Variants in ARMH4 observed in about 807,000 individuals in gnomAD.
The protein encoded by ARMH4 is armadillo like helical domain containing 4.
Under a neutral mutation model 61.9 loss-of-function variants are expected in ARMH4, and 49 were observed. The ratio of observed to expected loss-of-function variants is 0.79; its 90% CI spans 0.63 to 1.00. ARMH4 has a LOEUF of 1.00. ARMH4 is among the 50% of genes least tolerant of loss of function. The pLI, the probability that ARMH4 is intolerant of heterozygous loss-of-function variation, is 0.00. For missense variants in ARMH4, 934 were observed against 930.0 expected, an observed-to-expected ratio of 1.00 and a Z score of -0.06; for synonymous variants, 368 against 341.5, an observed-to-expected ratio of 1.08 and a Z score of -0.85.
intron 5 of ARMH4, among the ~76,000 whole-genome samples, chr14:58,031,295 G>T (rs1883220909): frequency 1.3e-5 from 2 of 152,114 alleles, no homozygotes; most frequent in Admixed American, 6.5e-5. Context: ...TTTATGAGTT[G>T]CCTATATGGC....
chr14:58,073,830 C>T (rs1199344695), intron 5 of ARMH4, among the ~76,000 whole-genome samples: 1 of 152,158 alleles, frequency 6.6e-6, no homozygotes, highest in Non-Finnish European at 1.5e-5. Flanking sequence ...TATCCTGAGC[C>T]TCAGTGTCCT....
rs368186035 is a variant in ARMH4, at chr14:58,081,322, C to G, written c.2089+15402G>C. 4.1e-4 allele frequency among the ~76,000 whole-genome samples: 63 copies of G among 152,046 alleles called. No homozygotes were observed. In the South Asian group the frequency reaches 0.01, roughly 25 times the overall value. On this transcript the variant is annotated intron_variant, in intron 5 of 7. Transcript: ENST00000267485. ...AGAACGCACCTTGTATCAGGATCCC[C>G]AGGGGGATCTGTGTGCACATTAATG...
Position 58,045,337 on chromosome 14 carries a change from T to C in ARMH4, c.2090-33187A>G, listed in dbSNP as rs1883895659. On this transcript the variant is annotated intron_variant, in intron 5 of 7. Coordinates refer to ENST00000267485, the MANE Select transcript of ARMH4 (RefSeq NM_001001872.4). ...GGGACATGGATGAAGCTGGAAACCA[T>C]CATTCTCAGCCAACTATCGCAAGGA... Among the ~76,000 whole-genome samples, 6 of 152,220 alleles carry C rather than the reference T, an allele frequency of 3.9e-5. 1 individual carries two copies. In the South Asian group the frequency reaches 1.0e-3, roughly 26 times the overall value.
At chr14:58,121,843 T>A (rs1342333246) in intron 4 of ARMH4, among the ~76,000 whole-genome samples, 1 of 152,232 alleles carries the variant, frequency 6.6e-6, no homozygotes, top group African/African-American at 2.4e-5. Context: ...CATCCTTCCC[T>A]AACACATTTG....
At chr14:58,126,696 G>C (rs957626034) in intron 4 of ARMH4, among the ~76,000 whole-genome samples, 2 of 151,110 alleles carry the variant, frequency 1.3e-5, no homozygotes, top group African/African-American at 4.9e-5. Flanking sequence ...TCTTAGAAAA[G>C]CAAAAACTGT....
Position 58,139,043 on chromosome 14 carries a change from T to C in ARMH4, c.316A>G (p.Thr106Ala). The C allele has an allele frequency of 6.2e-7, 1 of 1,614,230 alleles. No individual in the cohort carries two copies. Among genetic ancestry groups the C allele is most frequent in the Admixed American group, 1.7e-5 (1 of 60,020 alleles). The stretch of plus-strand genomic sequence containing the variant: ...GGTGTGGAAACACCAGGGCGTTCTG[T>C]TTGCATGAGCCCAGCTTGTCCAGGC... ...TQPGQAGLMQ[T>A]ERPGVSTPTE... The change falls in exon 2 of 8, where the codon ACA becomes GCA. Residue 106 changes from threonine to alanine, a missense_variant. Transcript: ENST00000267485.
At chr14:58,134,956 CAA>C (rs199939980) in intron 2 of ARMH4, among the ~76,000 whole-genome samples, 18 of 73,836 alleles carry the variant, frequency 2.4e-4, no homozygotes, top group East Asian at 4.9e-4. Context: ...GACTCTGTCT[CAA>C]AAAAAAAAAA....
intron 5 of ARMH4, among the ~76,000 whole-genome samples, chr14:58,020,675 G>T (rs962465838): frequency 6.6e-6 from 1 of 152,076 alleles, no homozygotes; most frequent in African/African-American, 2.4e-5. Context: ...TTCCATGTTC[G>T]CCAAGGACTT....
intron 4 of ARMH4, among the ~76,000 whole-genome samples, chr14:58,113,595 T>C (rs1012432147): frequency 1.2e-4 from 19 of 152,010 alleles, no homozygotes; most frequent in Non-Finnish European, 2.5e-4. Context: ...TATCTCCGTA[T>C]CTCTTCCATT....
chr14:58,031,559 G>A (rs1431795042), intron 5 of ARMH4, among the ~76,000 whole-genome samples: 1 of 152,198 alleles, frequency 6.6e-6, no homozygotes, highest in African/African-American at 2.4e-5. Context: ...CAACATTACA[G>A]AGAAATATTT....
At chr14:58,048,886 A>G (rs982765611) in intron 5 of ARMH4, among the ~76,000 whole-genome samples, 1 of 152,174 alleles carries the variant, frequency 6.6e-6, no homozygotes, top group African/African-American at 2.4e-5. Flanking sequence ...GAACCTACTG[A>G]ACTTCTGATC....
At chr14:58,099,286 G>C (rs1197304725) in intron 4 of ARMH4, among the ~76,000 whole-genome samples, 1 of 152,168 alleles carries the variant, frequency 6.6e-6, no homozygotes, top group Admixed American at 6.5e-5. Flanking sequence ...GACAGAAAGG[G>C]AAATGGTCCA....
intron 5 of ARMH4, among the ~76,000 whole-genome samples, chr14:58,084,516 A>G (rs1477405482): frequency 1.3e-5 from 2 of 152,164 alleles, no homozygotes; most frequent in Non-Finnish European, 2.9e-5. Context: ...ATTTCATACA[A>G]ATCTTCGGCA....
intron 5 of ARMH4, among the ~76,000 whole-genome samples, chr14:58,087,258 G>A (rs147042367): frequency 1.9e-4 from 29 of 152,230 alleles, no homozygotes; most frequent in African/African-American, 6.0e-4. Flanking sequence ...GAGATCCTAC[G>A]TAACCTACTA....
At chr14:58,044,951 G>T (rs1006487615) in intron 5 of ARMH4, among the ~76,000 whole-genome samples, 1 of 152,156 alleles carries the variant, frequency 6.6e-6, no homozygotes, top group African/African-American at 2.4e-5. Flanking sequence ...TCATTAAAAA[G>T]CCAGGAAACA....
chr14:58,133,057 C>T (rs916598602), intron 3 of ARMH4, 33 bp downstream of exon 3: 1 of 1,610,908 alleles, frequency 6.2e-7, no homozygotes, highest in Non-Finnish European at 8.5e-7. Flanking sequence ...AGATCCACCC[C>T]CAAAACAGAG....
Position 58,064,014 on chromosome 14 carries a change from G to C in ARMH4, c.2089+32710C>G, listed in dbSNP as rs541196094. Among the ~76,000 whole-genome samples, 5 of 152,296 alleles carry C rather than the reference G, an allele frequency of 3.3e-5. No homozygotes were observed. In the South Asian group the frequency reaches 1.0e-3, roughly 32 times the overall value. On this transcript the variant is annotated intron_variant, in intron 5 of 7. Coordinates refer to ENST00000267485, the MANE Select transcript of ARMH4 (RefSeq NM_001001872.4). ...AAGCCAGCCTGGAAGTAAATGGCTG[G>C]TGTAGGTAATACGCACACTTTTAAC...
intron 5 of ARMH4, among the ~76,000 whole-genome samples, chr14:58,087,152 G>A (rs150265504): frequency 2.0e-5 from 3 of 152,092 alleles, no homozygotes; most frequent in Admixed American, 1.3e-4. Context: ...TTTCTTCTTC[G>A]CTTTTGGTTT....
At chr14:58,105,943 A>T (rs149413460) in intron 4 of ARMH4, among the ~76,000 whole-genome samples, 2 of 152,184 alleles carry the variant, frequency 1.3e-5, no homozygotes, top group African/African-American at 4.8e-5. Flanking sequence ...TCACAAGTTG[A>T]CATGGCACTG....
Sources: allele counts gnomAD v4.1 joint callset (sites outside exome capture counted in the v4.1 genomes callset), GRCh38; gene constraint gnomAD v4.1.1; transcripts MANE v1.5; gene names NCBI Gene and HGNC (gene_info 2026-07-23, HGNC 2026-07-21).